PPM1H: variants seen among roughly 807,000 people sequenced by gnomAD.
The protein encoded by PPM1H is protein phosphatase 1H.
PPM1H carries 27 observed loss-of-function variants against 54.9 expected under a neutral mutation model. The observed-to-expected ratio is 0.49, with a 90% CI of 0.36 to 0.68. PPM1H has a LOEUF of 0.68. Ranked by LOEUF, PPM1H falls within the 30% of genes least tolerant of loss-of-function variation. The probability of loss-of-function intolerance (pLI) is 0.00; values close to 1 mark genes in which losing one functional copy is unlikely to be tolerated. For synonymous variants in PPM1H, 305 were observed against 270.8 expected, an observed-to-expected ratio of 1.13 and a Z score of -1.24; for missense variants, 596 against 667.8, an observed-to-expected ratio of 0.89 and a Z score of 1.19.
At chr12:62,854,474 G>C (rs1869309708) in intron 1 of PPM1H, among the ~76,000 whole-genome samples, 1 of 152,040 alleles carries the variant, frequency 6.6e-6, no homozygotes, top group East Asian at 1.9e-4. Context: ...AGTCACAGGG[G>C]TGGGGGTGGG....
At chr12:62,792,720 C>G (rs544902302) in intron 3 of PPM1H, among the ~76,000 whole-genome samples, 1 of 152,190 alleles carries the variant, frequency 6.6e-6, no homozygotes, top group Non-Finnish European at 1.5e-5. Context: ...GCTTCCCTCC[C>G]CCTCCTCCCT....
intron 4 of PPM1H, among the ~76,000 whole-genome samples, chr12:62,764,197 GATGC>G (rs2076527767): frequency 1.0e-5 from 1 of 100,428 alleles, no homozygotes; most frequent in Admixed American, 1.0e-4. Flanking sequence ...ACCCAGAAGA[GATGC>G]ACCCAGAGAG....
intron 9 of PPM1H, among the ~76,000 whole-genome samples, chr12:62,656,731 AG>A: frequency 6.6e-6 from 1 of 152,112 alleles, no homozygotes; most frequent in Non-Finnish European, 1.5e-5. Context: ...ATACAGTGTG[AG>A]GGGAACAGGA....
chr12:62,846,431 C>T lies in PPM1H; in HGVS notation c.246-14152G>A, dbSNP rs544823814. On this transcript the variant is annotated intron_variant, in intron 1 of 9. Transcript: ENST00000228705. ...AGGAGAATCTCTTGAACCCAGGAGG[C>T]GGAGGTTGCAGTGAGCCGAGATTGC... 5.3e-5 allele frequency among the ~76,000 whole-genome samples: 8 copies of T among 151,092 alleles called. No homozygotes were observed. In the South Asian group the frequency reaches 6.3e-4, roughly 12 times the overall value.
At chr12:62,826,324 C>T (rs537364901) in intron 2 of PPM1H, among the ~76,000 whole-genome samples, 58 of 152,218 alleles carry the variant, frequency 3.8e-4, no homozygotes, top group African/African-American at 1.3e-3. Flanking sequence ...TGGTGCTTGC[C>T]GGTAATCCCA....
chr12:62,712,608 A>G (rs1051722199), intron 6 of PPM1H, among the ~76,000 whole-genome samples: 1 of 152,222 alleles, frequency 6.6e-6, no homozygotes, highest in African/African-American at 2.4e-5. Context: ...AGTGATTAAA[A>G]GCAGAAAGAG....
intron 2 of PPM1H, among the ~76,000 whole-genome samples, chr12:62,808,278 G>C (rs1277628032): frequency 6.6e-6 from 1 of 152,152 alleles, no homozygotes; most frequent in Non-Finnish European, 1.5e-5. Context: ...GAGAGACAGA[G>C]AATATAACTG....
chr12:62,650,249 T>C lies in PPM1H; in HGVS notation c.1398-1613A>G, dbSNP rs1046351491. ...GTACAGCCCAGATAGCAGACAGAAG[T>C]GTAACATACACTACAGCAGAAAGGA... On this transcript the variant is annotated intron_variant, in intron 9 of 9. Coordinates refer to ENST00000228705, the MANE Select transcript of PPM1H (RefSeq NM_020700.2). 5.9e-5 allele frequency among the ~76,000 whole-genome samples: 9 copies of C among 152,294 alleles called. No individual in the cohort carries two copies. In the South Asian group the frequency reaches 1.9e-3, roughly 32 times the overall value.
At position 62,934,695 on chromosome 12, in the gene PPM1H, G is replaced by A; in HGVS notation, c.42C>T (p.Gly14=). 4 of 1,606,742 alleles carry A rather than the reference G, an allele frequency of 2.5e-6. No homozygotes were observed. The highest frequency in any genetic ancestry group is 1.1e-5 in the South Asian group (1 of 90,144). ...AGCCTGAGCTGCCAGCCATGATGCC[G>A]CCCATGAAATTGGCCACGGCAGATT... The part of the protein sequence containing the change: ...RVKSAVANFM[G]GIMAGSSGSE... Residue 14 remains glycine, a synonymous_variant, in exon 1 of 10, where the codon GGC becomes GGT. Transcript: ENST00000228705. This position sits in a 1 kb window ranked among gnomAD's most constrained non-coding sequence, Gnocchi z 4.2.
chr12:62,728,956 T>C (rs1272791332), intron 5 of PPM1H, among the ~76,000 whole-genome samples: 1 of 152,180 alleles, frequency 6.6e-6, no homozygotes, highest in Non-Finnish European at 1.5e-5. Context: ...TTTTTTTTCC[T>C]GTTGCTTTGT....
chr12:62,932,627 G>GTTTTTTTTTTTTTTTTTT (rs1229452777), intron 1 of PPM1H, among the ~76,000 whole-genome samples: 4 of 22,524 alleles, frequency 1.8e-4, no homozygotes, highest in Admixed American at 5.3e-4. Context: ...GTCCAAATGG[G>GTTTTTTTTTTTTTTTTTT]CTTTTTTTTT....
intron 8 of PPM1H, among the ~76,000 whole-genome samples, chr12:62,676,105 G>GA (rs1199179217): frequency 6.6e-6 from 1 of 152,206 alleles, no homozygotes; most frequent in African/African-American, 2.4e-5. Context: ...GAGTGGGCCA[G>GA]AAAAGCACCA....
intron 4 of PPM1H, among the ~76,000 whole-genome samples, chr12:62,742,185 G>A (rs1454348713): frequency 6.6e-6 from 1 of 152,202 alleles, no homozygotes; most frequent in African/African-American, 2.4e-5. Flanking sequence ...ATGACTGCCA[G>A]GGCAAGCCTA....
At chr12:62,919,239 T>C (rs1369808312) in intron 1 of PPM1H, among the ~76,000 whole-genome samples, 2 of 152,202 alleles carry the variant, frequency 1.3e-5, no homozygotes, top group East Asian at 1.9e-4. Flanking sequence ...TAAAATAGTG[T>C]TCCTGAGGAA....
In PPM1H at chr12:62,645,865, G is replaced by A. The variant is rs145512614; in HGVS notation, c.*2624C>T. The stretch of plus-strand genomic sequence containing the variant: ...AATACGTTCTGCAGAATTTCGAAGT[G>A]TGCGTCCTTTGACTTTTCCAGGGAT... On this transcript the variant is annotated 3_prime_UTR_variant, in exon 10 of 10. Transcript: ENST00000228705. 2 of 152,322 alleles carry A rather than the reference G, an allele frequency of 1.3e-5. No individual in the cohort carries two copies. Among genetic ancestry groups the A allele is most frequent in the Non-Finnish European group, 2.9e-5 (2 of 68,028 alleles). The allele number at this position is 152,322 out of a possible 1,614,324, so 9.4% of individuals were successfully genotyped here.
intron 4 of PPM1H, among the ~76,000 whole-genome samples, chr12:62,766,986 A>G (rs971619859): frequency 6.6e-6 from 1 of 152,194 alleles, no homozygotes; most frequent in Non-Finnish European, 1.5e-5. Context: ...CCAAGCAACA[A>G]ATAGGCTTGC....
chr12:62,752,795 T>A (rs1448724485), intron 4 of PPM1H, among the ~76,000 whole-genome samples: 2 of 152,154 alleles, frequency 1.3e-5, no homozygotes, highest in Non-Finnish European at 2.9e-5. Flanking sequence ...AGAGATAACA[T>A]ACATAATTTA....
At chr12:62,806,810 G>A (rs1417328247) in intron 2 of PPM1H, among the ~76,000 whole-genome samples, 1 of 152,108 alleles carries the variant, frequency 6.6e-6, no homozygotes, top group Non-Finnish European at 1.5e-5. Context: ...CCCAGTTTCA[G>A]GTATTTCTTT....
intron 4 of PPM1H, among the ~76,000 whole-genome samples, chr12:62,776,749 A>G (rs1459117308): frequency 6.6e-6 from 1 of 152,188 alleles, no homozygotes; most frequent in African/African-American, 2.4e-5. Context: ...AAGGGCTGAC[A>G]TGTTTCTCCC....
Sources: gnomAD v4.1 joint callset for allele counts (sites outside exome capture counted in the v4.1 genomes callset) on GRCh38, gnomAD v4.1.1 for gene constraint, Gnocchi (gnomAD v3.1) non-coding constraint, MANE v1.5 for transcripts, NCBI Gene and HGNC (gene_info 2026-07-23, HGNC 2026-07-21) for gene names.